The following THSD7B variants were observed in gnomAD, a reference collection of about 807,000 sequenced individuals.
The protein encoded by THSD7B is thrombospondin type-1 domain-containing protein 7B.
Under a neutral mutation model 213.6 loss-of-function variants are expected in THSD7B, and 138 were observed. The ratio of observed to expected loss-of-function variants is 0.65; its 90% CI spans 0.56 to 0.74. The LOEUF (loss-of-function observed/expected upper bound fraction) is 0.74, where lower values mean the gene tolerates loss of function less well. Ranked by LOEUF, THSD7B falls within the 30% of genes least tolerant of loss-of-function variation. The probability of loss-of-function intolerance (pLI) is 0.00; values close to 1 mark genes in which losing one functional copy is unlikely to be tolerated. For synonymous variants in THSD7B, 742 were observed against 687.0 expected, an observed-to-expected ratio of 1.08 and a Z score of -1.25; for missense variants, 1,931 against 1,991.5, an observed-to-expected ratio of 0.97 and a Z score of 0.58.
At position 137,242,445 on chromosome 2, in the gene THSD7B, T is replaced by TCATGTCA; in HGVS notation, c.2151-10_2151-9insTGTCACA. On this transcript the variant is annotated splice_polypyrimidine_tract_variant and intron_variant, in intron 9 of 27. Transcript: ENST00000409968. ...TCAAAAAGGCATTGACATGGTCTTT[T>TCATGTCA]CACATTGACAGATGTCCAGATTCTA... 1 of 1,607,386 alleles carries TCATGTCA rather than the reference T, an allele frequency of 6.2e-7. No individual in the cohort carries two copies. The highest frequency in any genetic ancestry group is 1.7e-5 in the Admixed American group (1 of 59,980).
chr2:137,188,120 A>G (rs1680585339), intron 7 of THSD7B, among the ~76,000 whole-genome samples: 1 of 152,200 alleles, frequency 6.6e-6, no homozygotes, highest in Admixed American at 6.5e-5. Flanking sequence ...GATTTACCCA[A>G]TGACAATGTA....
chr2:137,113,898 C>G (rs749214574), intron 4 of THSD7B, among the ~76,000 whole-genome samples: 4 of 152,154 alleles, frequency 2.6e-5, no homozygotes, highest in Non-Finnish European at 5.9e-5. Flanking sequence ...CAACAAATCC[C>G]AGAGGACTGT....
At position 137,607,971 on chromosome 2, in the gene THSD7B, A is replaced by G. The variant is rs564402339; in HGVS notation, c.3424-8204A>G. On this transcript the variant is annotated intron_variant, in intron 17 of 27. Coordinates refer to ENST00000409968, the MANE Select transcript of THSD7B (RefSeq NM_001316349.2). ...TGCATCATCCTAACTTCCTCTTTGC[A>G]GTAGGCCAGCAAAGTCTTACCAGGA... Among the ~76,000 whole-genome samples, 27 of 152,338 alleles carry G rather than the reference A, an allele frequency of 1.8e-4. No individual in the cohort carries two copies. The South Asian group carries it at 1.9e-3, about 11-fold the overall frequency.
intron 7 of THSD7B, among the ~76,000 whole-genome samples, chr2:137,203,106 A>G (rs1403622897): frequency 6.6e-6 from 1 of 152,046 alleles, no homozygotes; most frequent in Non-Finnish European, 1.5e-5. Context: ...ATATTTTTCA[A>G]GCTATTCCCA....
Position 137,676,578 on chromosome 2 carries a change from A to G in THSD7B, c.4794A>G (p.Leu1598=). The change falls in exon 28 of 28, where the codon TTA becomes TTG. Residue 1598 remains leucine (L), a synonymous_variant. Transcript: ENST00000409968. ...CTCCCCAACAGAAGCCTCTGACCTT[A>G]GCCTACGATGGAGACTTAGACATGT... ...STPPQQKPLT[L]AYDGDLDM The G allele has an allele frequency of 6.3e-7, 1 of 1,594,276 alleles. No homozygotes were observed. The highest frequency in any genetic ancestry group is 8.5e-7 in the Non-Finnish European group (1 of 1,171,686).
At chr2:137,335,432 C>G (rs1684617015) in intron 12 of THSD7B, among the ~76,000 whole-genome samples, 1 of 152,176 alleles carries the variant, frequency 6.6e-6, no homozygotes, top group Non-Finnish European at 1.5e-5. Context: ...AGATTATCAA[C>G]TGATGCCTTA....
intron 20 of THSD7B, among the ~76,000 whole-genome samples, chr2:137,639,870 GTATTGTA>G (rs1682905728): frequency 6.6e-6 from 1 of 152,172 alleles, no homozygotes; most frequent in Admixed American, 6.5e-5. Flanking sequence ...GTGCCGGTAT[GTATTGTA>G]TCTAGGAAGT....
chr2:137,358,102 A>C (rs60261353), intron 12 of THSD7B, among the ~76,000 whole-genome samples: 4,362 of 152,224 alleles, frequency 0.029, 216 homozygotes, highest in African/African-American at 0.1. Flanking sequence ...CAGGCACCAA[A>C]CTTGACATGC....
At chr2:137,272,709 T>C in intron 11 of THSD7B, 47 bp downstream of exon 11, 9 of 1,580,138 alleles carry the variant, frequency 5.7e-6, no homozygotes, top group Non-Finnish European at 7.7e-6. Context: ...CTGTAAATTA[T>C]AACCTATTTT....
At chr2:136,837,787 T>C (rs541493377) in intron 1 of THSD7B, among the ~76,000 whole-genome samples, 2 of 152,346 alleles carry the variant, frequency 1.3e-5, no homozygotes, top group South Asian at 2.1e-4. Context: ...CTAATTTTCA[T>C]CTTTGATGGT....
At chr2:137,113,898 C>T (rs749214574) in intron 4 of THSD7B, among the ~76,000 whole-genome samples, 3 of 152,154 alleles carry the variant, frequency 2.0e-5, no homozygotes, top group Non-Finnish European at 2.9e-5. Context: ...CAACAAATCC[C>T]AGAGGACTGT....
At chr2:136,968,955 A>G (rs74452576) in intron 2 of THSD7B, among the ~76,000 whole-genome samples, 1 of 152,136 alleles carries the variant, frequency 6.6e-6, no homozygotes, top group East Asian at 1.9e-4. Flanking sequence ...AATAAACAAT[A>G]TTAATATAAT....
At chr2:137,293,930 G>A (rs1415973058) in intron 12 of THSD7B, among the ~76,000 whole-genome samples, 3 of 151,868 alleles carry the variant, frequency 2.0e-5, no homozygotes, top group South Asian at 4.2e-4. Context: ...TGAAATATAC[G>A]GCTATTTATA....
rs72977585 is a variant in THSD7B at position 136,857,018 on chromosome 2, T to C, written c.-35-25126T>C. ...ATAGAGACCTAGATTGGTTTCTTGA[T>C]ATGATGTAATTCTGTTTTGAAAATT... On this transcript the variant is annotated intron_variant, in intron 1 of 27. Transcript: ENST00000409968. Among the ~76,000 whole-genome samples, 542 of 152,376 alleles carry C rather than the reference T, an allele frequency of 3.6e-3. 5 individuals are homozygous for C. Among genetic ancestry groups the C allele is most frequent in the African/African-American group, 0.013 (521 of 41,578 alleles).
At chr2:137,328,164 T>C (rs762624482) in intron 12 of THSD7B, among the ~76,000 whole-genome samples, 6 of 152,204 alleles carry the variant, frequency 3.9e-5, no homozygotes, top group Non-Finnish European at 8.8e-5. Context: ...AAATATTAGA[T>C]AAAGAGAGCA....
rs371623641 is a variant in THSD7B at position 137,132,426 on chromosome 2, A to G, written c.1369+17133A>G. On this transcript the variant is annotated intron_variant, in intron 5 of 27. Coordinates refer to ENST00000409968, the MANE Select transcript of THSD7B (RefSeq NM_001316349.2). ...TTGATTTCGGGAATGTTTATTTTTA[A>G]TAGGGGAGTAATAGAATAGACCTTT... 2.9e-4 allele frequency among the ~76,000 whole-genome samples: 44 copies of G among 151,868 alleles called. 1 individual carries two copies. The highest frequency in any genetic ancestry group is 1.0e-3 in the African/African-American group (42 of 41,382).
At chr2:137,080,373 T>C (rs1489797144) in intron 3 of THSD7B, among the ~76,000 whole-genome samples, 2 of 122,450 alleles carry the variant, frequency 1.6e-5, no homozygotes, top group African/African-American at 7.1e-5. Flanking sequence ...AGCTGTTTTT[T>C]TTTTTTTTTT....
intron 7 of THSD7B, among the ~76,000 whole-genome samples, chr2:137,213,969 G>T (rs114938236): frequency 1.3e-5 from 2 of 151,944 alleles, no homozygotes; most frequent in Admixed American, 1.3e-4. Context: ...GAGTTCTCAC[G>T]TTCAGAAGCC....
At chr2:137,424,092 G>C (rs1686987100) in intron 14 of THSD7B, among the ~76,000 whole-genome samples, 1 of 142,438 alleles carries the variant, frequency 7.0e-6, no homozygotes, top group African/African-American at 2.5e-5. Flanking sequence ...AATGGTGCTG[G>C]AACAACTGAA....
Sources: allele counts gnomAD v4.1 joint callset (sites outside exome capture counted in the v4.1 genomes callset), GRCh38; gene constraint gnomAD v4.1.1; transcripts MANE v1.5; gene names NCBI Gene and HGNC (gene_info 2026-07-23, HGNC 2026-07-21).